The following DGKB variants were observed in gnomAD, a reference collection of about 807,000 sequenced individuals.
DGKB encodes 90 kDa diacylglycerol kinase.
In DGKB, 67 loss-of-function variants were observed where a neutral mutation model predicts 114.3. The ratio of observed to expected loss-of-function variants is 0.59; its 90% CI spans 0.48 to 0.72. The LOEUF is 0.72. Ranked by LOEUF, DGKB falls within the 30% of genes least tolerant of loss-of-function variation. The pLI, the probability that DGKB is intolerant of heterozygous loss-of-function variation, is 0.00. For synonymous variants in DGKB, 398 were observed against 323.1 expected (o/e 1.23, Z -2.49); for missense variants, 907 against 975.2 (o/e 0.93, Z 0.93).
intron 13 of DGKB, among the ~76,000 whole-genome samples, chr7:14,661,668 C>A (rs9692069): frequency 0.21 from 31,869 of 151,536 alleles, 4,339 homozygotes; most frequent in East Asian, 0.73. Flanking sequence ...GGATCTAGAA[C>A]TAGAAATACC....
chr7:14,359,181 G>C (rs766024910), intron 21 of DGKB, among the ~76,000 whole-genome samples: 5 of 152,070 alleles, frequency 3.3e-5, no homozygotes, highest in Non-Finnish European at 7.4e-5. Flanking sequence ...ACAACCAACT[G>C]ATCTTTGACA....
At chr7:14,757,633 T>C in intron 3 of DGKB, 22 bp downstream of exon 3, 1 of 1,413,318 alleles carries the variant, frequency 7.1e-7, no homozygotes, top group Admixed American at 1.8e-5. Flanking sequence ...ACGAAACTGA[T>C]ATAAAGAAAA....
chr7:14,517,216 C>T (rs1022380870), intron 20 of DGKB, among the ~76,000 whole-genome samples: 3 of 152,038 alleles, frequency 2.0e-5, no homozygotes, highest in Admixed American at 6.6e-5. Flanking sequence ...AAAGAATTCC[C>T]CATTCAATAA....
rs187778390 is a variant in DGKB at position 14,731,449 on chromosome 7, T to C, written c.322+4592A>G. Among the ~76,000 whole-genome samples the C allele has an allele frequency of 4.6e-5, 7 of 152,254 alleles. No homozygotes were observed. In the East Asian group the frequency reaches 1.4e-3, roughly 29 times the overall value. On this transcript the variant is annotated intron_variant, in intron 5 of 25. Transcript: ENST00000402815. ...ACATTTAGATAAACTTTAAAAAGTT[T>C]AAAAAATCAACATAATTGATCTCGG...
At chr7:14,206,610 T>C (rs941765148) in intron 23 of DGKB, among the ~76,000 whole-genome samples, 4 of 152,046 alleles carry the variant, frequency 2.6e-5, no homozygotes, top group African/African-American at 9.7e-5. Context: ...CCCACTGAGA[T>C]ATTTTTTACA....
chr7:14,290,433 A>G (rs1462428659), intron 23 of DGKB, among the ~76,000 whole-genome samples: 3 of 152,124 alleles, frequency 2.0e-5, no homozygotes, highest in Admixed American at 2.0e-4. Flanking sequence ...TATCCTGCAC[A>G]CAAAGAACCC....
At chr7:14,345,146 C>A (rs1280568601) in intron 22 of DGKB, among the ~76,000 whole-genome samples, 155 bp downstream of exon 22, 2 of 151,360 alleles carry the variant, frequency 1.3e-5, no homozygotes, top group Non-Finnish European at 3.0e-5. Flanking sequence ...GTGCTGTATT[C>A]CAAATGAGTG....
In DGKB at chr7:14,385,355, C is replaced by A. The variant is rs992107502; in HGVS notation, c.1836-39964G>T. Reference sequence around the variant, plus strand: ...GACTGGTGGTGAAGAAACCTAGGAACTGTAGAAATGTAAAACCTGATGAGG... The same window carrying A: ...GACTGGTGGTGAAGAAACCTAGGAAATGTAGAAATGTAAAACCTGATGAGG... On this transcript the variant is annotated intron_variant, in intron 21 of 25. Transcript: ENST00000402815. 2.6e-5 allele frequency among the ~76,000 whole-genome samples: 4 copies of A among 152,228 alleles called. No individual in the cohort carries two copies. In the East Asian group the frequency reaches 7.7e-4, roughly 29 times the overall value.
At chr7:14,583,615 T>C (rs1800284164) in intron 17 of DGKB, among the ~76,000 whole-genome samples, 2 of 152,196 alleles carry the variant, frequency 1.3e-5, no homozygotes. Context: ...GAGAAATTGA[T>C]CAGACTGCAA....
At chr7:14,415,184 T>A (rs1312075520) in intron 21 of DGKB, among the ~76,000 whole-genome samples, 1 of 152,010 alleles carries the variant, frequency 6.6e-6, no homozygotes, top group African/African-American at 2.4e-5. Context: ...TATTTTCTGG[T>A]GAATATTAAG....
At chr7:14,418,371 GTATATATA>G (rs369934623) in intron 21 of DGKB, among the ~76,000 whole-genome samples, 7 of 129,926 alleles carry the variant, frequency 5.4e-5, no homozygotes, top group Non-Finnish European at 8.0e-5. Flanking sequence ...ATGTGTGTGT[GTATATATA>G]TATATATATA....
At chr7:14,295,417 G>A (rs1355959703) in intron 23 of DGKB, among the ~76,000 whole-genome samples, 1 of 151,944 alleles carries the variant, frequency 6.6e-6, no homozygotes, top group Non-Finnish European at 1.5e-5. Flanking sequence ...GAGCTTCGGG[G>A]GCCAAAAGTG....
chr7:14,486,586 A>C (rs1783844540), intron 20 of DGKB, among the ~76,000 whole-genome samples: 1 of 152,132 alleles, frequency 6.6e-6, no homozygotes, highest in South Asian at 2.1e-4. Flanking sequence ...TGGGGATCTC[A>C]ACTGGCCAAC....
intron 22 of DGKB, 60 bp from the exon 23 acceptor site, chr7:14,338,770 T>C (rs1046642502): frequency 9.1e-7 from 1 of 1,098,182 alleles, no homozygotes. Context: ...CCCTGATTTC[T>C]TGTTTTTCAT....
chr7:14,183,625 G>A (rs1782962725), intron 23 of DGKB, among the ~76,000 whole-genome samples: 1 of 152,162 alleles, frequency 6.6e-6, no homozygotes, highest in Non-Finnish European at 1.5e-5. Flanking sequence ...CTTTGAGATA[G>A]GTATTATTCT....
At chr7:14,931,107 C>T (rs949914128) in intron 1 of DGKB, among the ~76,000 whole-genome samples, 13 of 148,292 alleles carry the variant, frequency 8.8e-5, no homozygotes, top group African/African-American at 3.0e-4. Context: ...ATTCAGTTTG[C>T]TAGTATTTTT....
At chr7:14,527,817 TTTTA>T (rs1563409346) in intron 20 of DGKB, among the ~76,000 whole-genome samples, 1 of 152,084 alleles carries the variant, frequency 6.6e-6, no homozygotes, top group Non-Finnish European at 1.5e-5. Flanking sequence ...AAGCAGCAAC[TTTTA>T]TTTAACTCCC....
intron 2 of DGKB, among the ~76,000 whole-genome samples, chr7:14,819,325 G>A (rs191527400): frequency 4.6e-5 from 7 of 152,164 alleles, no homozygotes; most frequent in Admixed American, 2.0e-4. Flanking sequence ...GGTGGCTCAC[G>A]ACTGTAATCC....
intron 20 of DGKB, among the ~76,000 whole-genome samples, chr7:14,523,791 GT>G (rs1295447379): frequency 6.6e-6 from 1 of 152,096 alleles, no homozygotes; most frequent in African/African-American, 2.4e-5. Flanking sequence ...AAGAGCTTAA[GT>G]TTTAGAGTCA....
Sources: allele counts gnomAD v4.1 joint callset (sites outside exome capture counted in the v4.1 genomes callset), GRCh38; gene constraint gnomAD v4.1.1; transcripts MANE v1.5; gene names NCBI Gene and HGNC (gene_info 2026-07-23, HGNC 2026-07-21).